The following GTF2IRD1 variants were observed in gnomAD, a reference collection of about 807,000 sequenced individuals.
GTF2IRD1 encodes the protein GTF2I repeat domain containing 1.
GTF2IRD1 carries 26 observed loss-of-function variants against 113.2 expected under a neutral mutation model. That is an observed-to-expected ratio of 0.23 (90% CI 0.17 to 0.32). The LOEUF (loss-of-function observed/expected upper bound fraction) is 0.32, where lower values mean the gene tolerates loss of function less well. Among genes scored for constraint, GTF2IRD1 ranks in the 10% least tolerant of loss-of-function variants. The pLI is 1.00. For missense variants in GTF2IRD1, 864 were observed against 1,280.8 expected (o/e 0.67, Z 4.97); for synonymous variants, 484 against 529.1 (o/e 0.91, Z 1.17).
chr7:74,509,280 C>G (rs1403531730), intron 2 of GTF2IRD1, among the ~76,000 whole-genome samples: 6 of 152,146 alleles, frequency 3.9e-5, no homozygotes, highest in Admixed American at 2.0e-4. Context: ...TCACTTGAAC[C>G]CTGGAAGTGG....
In GTF2IRD1 at chr7:74,562,388, C is replaced by T. The variant is rs587770278; in HGVS notation, c.2320+2733C>T. Among the ~76,000 whole-genome samples, 20 of 152,056 alleles carry T rather than the reference C, an allele frequency of 1.3e-4. No individual in the cohort carries two copies. In the East Asian group the frequency reaches 3.7e-3, roughly 28 times the overall value. On this transcript the variant is annotated intron_variant, in intron 22 of 26. Transcript: ENST00000424337. The stretch of plus-strand genomic sequence containing the variant: ...CAGCATGTGGGCCATGGGAAAGTGC[C>T]GCCTCATTCAAGTCCCTGTACCCGC...
At chr7:74,513,062 C>A in intron 3 of GTF2IRD1, 91 bp downstream of exon 3, 1 of 1,305,846 alleles carries the variant, frequency 7.7e-7, no homozygotes, top group Non-Finnish European at 1.1e-6. Flanking sequence ...CCTGTCTAGC[C>A]AGGGTGGCGG....
At chr7:74,473,170 C>G (rs1562778284) in intron 1 of GTF2IRD1, among the ~76,000 whole-genome samples, 1 of 152,176 alleles carries the variant, frequency 6.6e-6, no homozygotes, top group African/African-American at 2.4e-5. Context: ...TAGATCCCAG[C>G]AAATGCAGAA....
chr7:74,510,046 C>T (rs73364486), intron 2 of GTF2IRD1, among the ~76,000 whole-genome samples: 15,514 of 152,064 alleles, frequency 0.1, 1,953 homozygotes, highest in East Asian at 0.39. Flanking sequence ...CTCCTTCAAG[C>T]TGTTCCTGCT....
chr7:74,463,727 TG>T (rs1793531745), intron 1 of GTF2IRD1, among the ~76,000 whole-genome samples: 1 of 150,708 alleles, frequency 6.6e-6, no homozygotes, highest in African/African-American at 2.4e-5. Flanking sequence ...TGTTGTTTTT[TG>T]TTTTTTTTTT....
In GTF2IRD1 at chr7:74,519,662, A is replaced by T; in HGVS notation, c.859A>T (p.Ser287Cys). ...CPLAPSDLGL[S>C]RPMPEPKATG... ...CCTTGCCCCCAGCGACCTGGGCCTG[A>T]GTCGGCCCATGCCAGAGCCCAAGGC... Residue 287 changes from serine (S) to cysteine (C), a missense_variant, in exon 6 of 27, where the codon AGT (serine) becomes TGT (cysteine). Physicochemically the swap from Ser to Cys is moderately radical, Grantham distance 112. Coordinates refer to ENST00000424337, the MANE Select transcript of GTF2IRD1 (RefSeq NM_005685.4). 6.2e-7 allele frequency: 1 copy of T among 1,607,638 alleles called. No homozygotes were observed. The highest frequency in any genetic ancestry group is 8.5e-7 in the Non-Finnish European group (1 of 1,177,254).
intron 24 of GTF2IRD1, among the ~76,000 whole-genome samples, chr7:74,592,160 T>C (rs1289521427): frequency 6.6e-6 from 1 of 152,088 alleles, no homozygotes; most frequent in East Asian, 1.9e-4. Context: ...AATGCAGTGG[T>C]GTGATCTCAG....
intron 1 of GTF2IRD1, among the ~76,000 whole-genome samples, chr7:74,469,061 G>T (rs1181514980): frequency 1.3e-5 from 2 of 149,230 alleles, no homozygotes; most frequent in Admixed American, 6.8e-5. Context: ...CTCCAGCCTG[G>T]ACGACAGAGC....
intron 22 of GTF2IRD1, among the ~76,000 whole-genome samples, chr7:74,576,359 G>A (rs111568455): frequency 2.0e-5 from 3 of 151,678 alleles, no homozygotes; most frequent in African/African-American, 2.4e-5. Flanking sequence ...TCAGGAGTTC[G>A]AGACCAGCCT....
intron 2 of GTF2IRD1, among the ~76,000 whole-genome samples, chr7:74,509,667 TTTTG>T (rs1796512149): frequency 6.6e-6 from 1 of 151,892 alleles, no homozygotes; most frequent in Admixed American, 6.6e-5. Context: ...ACCAGTTTTG[TTTTG>T]TTTTGTTTTG....
intron 9 of GTF2IRD1, 78 bp from the exon 10 acceptor site, chr7:74,535,035 A>C: frequency 8.5e-7 from 1 of 1,172,878 alleles, no homozygotes; most frequent in Non-Finnish European, 1.3e-6. Flanking sequence ...ACCAAAGGGG[A>C]CTGGAGGCAT....
At chr7:74,578,569 T>TGTAGCTGTA (rs1274661063) in intron 22 of GTF2IRD1, among the ~76,000 whole-genome samples, 1 of 152,206 alleles carries the variant, frequency 6.6e-6, no homozygotes, top group Non-Finnish European at 1.5e-5. Flanking sequence ...TGCTGAAGTG[T>TGTAGCTGTA]GTAGCTGTAG....
intron 14 of GTF2IRD1, among the ~76,000 whole-genome samples, chr7:74,540,376 C>T (rs1181168875): frequency 1.3e-5 from 2 of 151,996 alleles, no homozygotes; most frequent in Admixed American, 6.6e-5. Flanking sequence ...GAACTCCCGA[C>T]CTCAGGTGAT....
At chr7:74,582,396 T>C (rs782541052) in intron 22 of GTF2IRD1, among the ~76,000 whole-genome samples, 2 of 152,224 alleles carry the variant, frequency 1.3e-5, no homozygotes, top group Non-Finnish European at 2.9e-5. Context: ...GGGATGGGAC[T>C]ACAGGTGTGC....
chr7:74,535,671 C>T (rs944945792), intron 10 of GTF2IRD1, among the ~76,000 whole-genome samples: 4 of 152,196 alleles, frequency 2.6e-5, no homozygotes, highest in Non-Finnish European at 5.9e-5. Flanking sequence ...TGGGGTGATC[C>T]TGGCACCCCA....
At chr7:74,493,263 C>T (rs1554337195) in intron 1 of GTF2IRD1, among the ~76,000 whole-genome samples, 2 of 151,812 alleles carry the variant, frequency 1.3e-5, no homozygotes. Flanking sequence ...GCATGCTCCA[C>T]CACACCCAGC....
At chr7:74,553,500 C>G (rs587618508) in intron 17 of GTF2IRD1, among the ~76,000 whole-genome samples, 1 of 152,050 alleles carries the variant, frequency 6.6e-6, no homozygotes, top group South Asian at 2.1e-4. Context: ...GTTGCCCAAG[C>G]TGGTCTCCAA....
chr7:74,490,694 G>A (rs1795291774), intron 1 of GTF2IRD1, among the ~76,000 whole-genome samples: 1 of 152,064 alleles, frequency 6.6e-6, no homozygotes, highest in South Asian at 2.1e-4. Context: ...TTACGTGGTT[G>A]GGTGTATTTT....
chr7:74,524,289 C>A, intron 8 of GTF2IRD1, 135 bp downstream of exon 8: 1 of 619,946 alleles, frequency 1.6e-6, no homozygotes, highest in South Asian at 1.9e-5. Flanking sequence ...CCGCTAATGT[C>A]ATCCGTCGCG....
Sources: allele counts gnomAD v4.1 joint callset (sites outside exome capture counted in the v4.1 genomes callset), GRCh38; gene constraint gnomAD v4.1.1; transcripts MANE v1.5; gene names NCBI Gene and HGNC (gene_info 2026-07-23, HGNC 2026-07-21).